The following TRANK1 variants were observed in gnomAD, a reference collection of about 807,000 sequenced individuals.
TRANK1 encodes the protein tetratricopeptide repeat and ankyrin repeat containing 1, also known as TPR and ankyrin repeat-containing protein 1.
A neutral mutation model predicts 266.0 loss-of-function variants in TRANK1; 198 were observed. The observed-to-expected ratio is 0.74, with a 90% confidence interval of 0.66 to 0.84. The LOEUF (loss-of-function observed/expected upper bound fraction) is 0.84, where lower values mean the gene tolerates loss of function less well. Ranked by LOEUF, TRANK1 falls within the 40% of genes least tolerant of loss-of-function variation. The pLI is 0.00. For synonymous variants in TRANK1, 1,396 were observed against 1,384.1 expected (o/e 1.01, Z -0.19); for missense variants, 3,326 against 3,634.6 (o/e 0.92, Z 2.18).
At position 36,899,154 on chromosome 3, in the gene TRANK1, C is replaced by A. The variant is rs1291576932; in HGVS notation, c.388G>T (p.Ala130Ser). The change falls in exon 4 of 24, where the codon GCA becomes TCA. Residue 130 changes from alanine (A) to serine (S), a missense_variant. Transcript: ENST00000645898. ...CCAACAAGGAAATCAGCAACCGGTG[C>A]CTGGTCTTGGCTTCTCTGCACAAGT... is the stretch of plus-strand genomic sequence containing the variant. Reference protein sequence around the residue: ...LRLVQRSQDQAPVADFLVGVF... With the variant: ...LRLVQRSQDQSPVADFLVGVF... The A allele has an allele frequency of 6.5e-7, 1 of 1,537,134 alleles. No homozygotes were observed. Among genetic ancestry groups the A allele is most frequent in the African/African-American group, 1.4e-5 (1 of 73,040 alleles).
intron 1 of TRANK1, among the ~76,000 whole-genome samples, chr3:36,923,122 T>C (rs1333169015): frequency 1.7e-4 from 26 of 152,270 alleles, no homozygotes; most frequent in Non-Finnish European, 1.5e-5. Context: ...AACCATCCTA[T>C]AAAATCCCCA....
chr3:36,924,577 T>A (rs1399098961), intron 1 of TRANK1, among the ~76,000 whole-genome samples: 1 of 152,172 alleles, frequency 6.6e-6, no homozygotes, highest in African/African-American at 2.4e-5. Context: ...CAAATTAACT[T>A]CCTCAGTCTT....
chr3:36,828,937 G>T (rs1324290888), intron 23 of TRANK1, among the ~76,000 whole-genome samples: 1 of 152,136 alleles, frequency 6.6e-6, no homozygotes, highest in Non-Finnish European at 1.5e-5. Context: ...GGGCATCTGC[G>T]GTTGATGAAA....
At chr3:36,934,507 G>A (rs1559481428) in intron 1 of TRANK1, among the ~76,000 whole-genome samples, 1 of 152,136 alleles carries the variant, frequency 6.6e-6, no homozygotes, top group East Asian at 1.9e-4. Context: ...AAAGTGACCT[G>A]CCTGTTTCAT....
rs1225055149 is a variant in TRANK1, at chr3:36,834,841, G to C, written c.5584C>G (p.Gln1862Glu). 12 of 1,613,508 alleles carry C rather than the reference G, an allele frequency of 7.4e-6. No individual in the cohort carries two copies. Among genetic ancestry groups the C allele is most frequent in the Non-Finnish European group, 9.3e-6 (11 of 1,179,736 alleles). ...AGTGCTAGATCAAATTCCTGAATCT[G>C]CTCAAAGCATCTGAAAGCGTCTTTG... ...CYKDAFRCFE[Q>E]IQEFDLALKM... Residue 1862 changes from glutamine (Q) to glutamate (E), a missense_variant, in exon 21 of 24, where the codon CAG becomes GAG. By Grantham distance (29) the Gln-to-Glu change is conservative (BLOSUM62 2). Transcript: ENST00000645898.
rs1302493238 is a variant in TRANK1 at position 36,831,535 on chromosome 3, G to A, written c.8048C>T (p.Ala2683Val). 1.2e-6 allele frequency: 2 copies of A among 1,613,496 alleles called. No individual in the cohort carries two copies. The highest frequency in any genetic ancestry group is 3.3e-5 in the Admixed American group (2 of 59,940). Reference protein sequence around the residue: ...LLCLDPVDYFAEPECEFGQDE... With the variant: ...LLCLDPVDYFVEPECEFGQDE... ...CTGGCCAAACTCACACTCAGGTTCA[G>A]CAAAGTAGTCCACAGGGTCCAAACA... Residue 2683 changes from alanine to valine, a missense_variant, in exon 22 of 24, where the codon GCT becomes GTT. Transcript: ENST00000645898. The surrounding 1 kb of genome is among the most constrained non-coding windows in gnomAD (Gnocchi z 5.0).
chr3:36,923,633 C>T (rs180970045), intron 1 of TRANK1, among the ~76,000 whole-genome samples: 113 of 152,218 alleles, frequency 7.4e-4, no homozygotes, highest in African/African-American at 2.4e-3. Context: ...GTAGGGGGAA[C>T]TCTCTCTGGA....
chr3:36,837,300 A>T lies in TRANK1; in HGVS notation c.5517+1072T>A, dbSNP rs567068623. On this transcript the variant is annotated intron_variant, in intron 20 of 23. Transcript: ENST00000645898. ...CCATTCCCTTCTCCCACATCTTAAG[A>T]AGTCACATCCCATAATAAACATGGA... Among the ~76,000 whole-genome samples the T allele has an allele frequency of 2.0e-5, 3 of 152,264 alleles. No homozygotes were observed. In the South Asian group the frequency reaches 6.2e-4, roughly 32 times the overall value.
chr3:36,943,353 T>C (rs1213247021), intron 1 of TRANK1, among the ~76,000 whole-genome samples: 2 of 152,118 alleles, frequency 1.3e-5, no homozygotes, highest in Non-Finnish European at 2.9e-5. Context: ...ATATATACAT[T>C]ATATACATAT....
chr3:36,836,281 A>G (rs1215958977), intron 20 of TRANK1, among the ~76,000 whole-genome samples: 4 of 150,154 alleles, frequency 2.7e-5, no homozygotes, highest in African/African-American at 9.9e-5. Context: ...CCCTAAAAAG[A>G]CATACTGTGC....
chr3:36,887,610 C>G (rs575139233), intron 8 of TRANK1, among the ~76,000 whole-genome samples: 2 of 152,216 alleles, frequency 1.3e-5, no homozygotes, highest in Admixed American at 1.3e-4. Context: ...TGTGCACGGA[C>G]CTTCTTTTAT....
rs114082183 is a variant in TRANK1, at chr3:36,924,516, T to C, written c.24-16062A>G. On this transcript the variant is annotated intron_variant, in intron 1 of 23. Transcript: ENST00000645898. ...TTCTCAGACTCTCAAAAAAGAGAAA[T>C]GTGTAATTTTCTTGTGTAACACAGC... Among the ~76,000 whole-genome samples, 393 of 152,326 alleles carry C rather than the reference T, an allele frequency of 2.6e-3. 5 individuals carry two copies. The highest frequency in any genetic ancestry group is 9.2e-3 in the African/African-American group (381 of 41,576).
intron 15 of TRANK1, chr3:36,850,686 A>G (rs1380235938): frequency 1.0e-6 from 1 of 953,646 alleles, no homozygotes; most frequent in Non-Finnish European, 1.2e-6. Flanking sequence ...GAGTGAGACA[A>G]TGACTTCAAA....
intron 20 of TRANK1, among the ~76,000 whole-genome samples, chr3:36,836,495 G>A (rs1401323333): frequency 6.6e-6 from 1 of 152,190 alleles, no homozygotes; most frequent in Non-Finnish European, 1.5e-5. Flanking sequence ...ATATATATAT[G>A]TATAGAAGAC....
intron 1 of TRANK1, among the ~76,000 whole-genome samples, chr3:36,921,783 C>A (rs62246862): frequency 0.15 from 22,955 of 152,140 alleles, 2,271 homozygotes; most frequent in East Asian, 0.29. Flanking sequence ...CTGGGTTTGC[C>A]AAACAACAGG....
chr3:36,841,636 A>G (rs905869705), intron 18 of TRANK1, among the ~76,000 whole-genome samples: 1 of 152,138 alleles, frequency 6.6e-6, no homozygotes, highest in African/African-American at 2.4e-5. Flanking sequence ...TGAGATATAG[A>G]AGGAAGACCA....
intron 3 of TRANK1, 47 bp downstream of exon 3, chr3:36,903,102 A>C (rs933729835): frequency 1.2e-5 from 18 of 1,520,654 alleles, no homozygotes; most frequent in African/African-American, 8.2e-5. Context: ...CCACCACCCC[A>C]ATACTCTCAA....
intron 1 of TRANK1, among the ~76,000 whole-genome samples, chr3:36,940,678 AC>A (rs917697759): frequency 5.3e-5 from 8 of 152,054 alleles, no homozygotes; most frequent in African/African-American, 1.9e-4. Flanking sequence ...GCTTGTCTGC[AC>A]CTCCACTAAT....
At chr3:36,849,534 T>G (rs1329669982) in intron 15 of TRANK1, among the ~76,000 whole-genome samples, 1 of 152,126 alleles carries the variant, frequency 6.6e-6, no homozygotes, top group Non-Finnish European at 1.5e-5. Flanking sequence ...AGATAACAGC[T>G]GCTTCAAAGA....
Sources: allele counts gnomAD v4.1 joint callset (sites outside exome capture counted in the v4.1 genomes callset), GRCh38; gene constraint gnomAD v4.1.1; non-coding constraint Gnocchi (gnomAD v3.1); transcripts MANE v1.5; gene names NCBI Gene and HGNC (gene_info 2026-07-23, HGNC 2026-07-21).